The following SANBR variants were observed in gnomAD, a reference collection of about 807,000 sequenced individuals.
SANBR encodes SANT and BTB domain regulator of class switch recombination.
A neutral mutation model predicts 101.8 loss-of-function variants in SANBR; 77 were observed. The ratio of observed to expected loss-of-function variants is 0.76; its 90% CI spans 0.63 to 0.91. The LOEUF (loss-of-function observed/expected upper bound fraction) is 0.91. Ranked by LOEUF, SANBR falls within the 40% of genes least tolerant of loss-of-function variation. The pLI, the probability that SANBR is intolerant of heterozygous loss-of-function variation, is 0.00. For synonymous variants in SANBR, 279 were observed against 274.7 expected (o/e 1.02, Z -0.15); for missense variants, 875 against 853.0 (o/e 1.03, Z -0.32).
rs574798897 is a variant in SANBR, at chr2:61,090,162, A to G, written c.1088+1694A>G. Among the ~76,000 whole-genome samples the G allele has an allele frequency of 5.3e-5, 8 of 152,320 alleles. No homozygotes were observed. In the South Asian group the frequency reaches 1.7e-3, roughly 32 times the overall value. On this transcript the variant is annotated intron_variant, in intron 10 of 21. Coordinates refer to ENST00000402291, the MANE Select transcript of SANBR (RefSeq NM_001129993.3). The stretch of plus-strand genomic sequence containing the variant: ...AAAACAAAGTTATGAAAAAGTACAT[A>G]GATACATAAAAGTTGTTAGTGGTTA...
intron 12 of SANBR, 122 bp downstream of exon 12, chr2:61,097,974 TC>T: frequency 1.5e-6 from 1 of 645,244 alleles, no homozygotes; most frequent in Non-Finnish European, 2.4e-6. Context: ...TTTATAACAC[TC>T]CCCCATTTTC....
chr2:61,081,134 A>G (rs981502862), intron 6 of SANBR, among the ~76,000 whole-genome samples: 3 of 152,166 alleles, frequency 2.0e-5, no homozygotes, highest in Non-Finnish European at 2.9e-5. Flanking sequence ...TATTACTTGT[A>G]TATGCAATGA....
intron 5 of SANBR, among the ~76,000 whole-genome samples, chr2:61,075,983 C>CTTTA (rs529777250): frequency 0.015 from 2,315 of 151,164 alleles, 55 homozygotes; most frequent in African/African-American, 0.048. Flanking sequence ...TTTTTATAAA[C>CTTTA]TTTATTTATT....
chr2:61,091,706 A>C (rs923047191), intron 10 of SANBR, among the ~76,000 whole-genome samples: 5 of 152,126 alleles, frequency 3.3e-5, no homozygotes, highest in Admixed American at 3.3e-4. Context: ...AGTTGCAATA[A>C]GCTATGATGA....
chr2:61,111,442 A>T (rs147123738), intron 16 of SANBR, among the ~76,000 whole-genome samples: 2 of 152,316 alleles, frequency 1.3e-5, no homozygotes, highest in Non-Finnish European at 2.9e-5. Context: ...CTTCTCTCCA[A>T]GTTTTACGTA....
At chr2:61,080,820 C>T (rs1402579264) in intron 6 of SANBR, among the ~76,000 whole-genome samples, 2 of 151,928 alleles carry the variant, frequency 1.3e-5, no homozygotes, top group Non-Finnish European at 2.9e-5. Flanking sequence ...TCTGCTTAGT[C>T]GTTTATTTAG....
Position 61,067,120 on chromosome 2 carries a change from A to T in SANBR, c.-147+1093A>T, listed in dbSNP as rs910983828. Reference sequence around the variant, plus strand: ...TATCCATCAATGCTATGCCTTTTATACTTAAATTCAGACTCTGATTTCTTG... The same window carrying T: ...TATCCATCAATGCTATGCCTTTTATTCTTAAATTCAGACTCTGATTTCTTG... On this transcript the variant is annotated intron_variant, in intron 1 of 21. Coordinates refer to ENST00000402291, the MANE Select transcript of SANBR (RefSeq NM_001129993.3). Among the ~76,000 whole-genome samples the T allele has an allele frequency of 2.0e-5, 3 of 152,248 alleles. No homozygotes were observed. The East Asian group carries it at 5.8e-4, about 29-fold the overall frequency.
intron 11 of SANBR, among the ~76,000 whole-genome samples, chr2:61,095,999 G>A (rs555051830): frequency 1.3e-5 from 2 of 151,858 alleles, no homozygotes; most frequent in African/African-American, 4.8e-5. Flanking sequence ...TACCACCACC[G>A]CTCACACAGG....
downstream of SANBR, among the ~76,000 whole-genome samples, chr2:61,128,388 C>G (rs1684579251): frequency 6.6e-6 from 1 of 152,142 alleles, no homozygotes; most frequent in Non-Finnish European, 1.5e-5. Flanking sequence ...GGCACAGTGG[C>G]TCATGCCTAT....
At chr2:61,117,262 ACACT>A (rs1391965619) in intron 17 of SANBR, 91 bp from the exon 18 acceptor site, 1 of 1,161,472 alleles carries the variant, frequency 8.6e-7, no homozygotes, top group Non-Finnish European at 1.3e-6. Context: ...CAGTGTCTTC[ACACT>A]CAGTAAGAGT....
chr2:61,118,247 GT>G, intron 20 of SANBR, 131 bp downstream of exon 20: 2 of 670,858 alleles, frequency 3.0e-6, no homozygotes, highest in Non-Finnish European at 5.0e-6. Context: ...TTGTTTGTTT[GT>G]TTTTTTCTTT....
chr2:61,112,279 G>A (rs1000072732), intron 16 of SANBR, among the ~76,000 whole-genome samples: 2 of 151,974 alleles, frequency 1.3e-5, no homozygotes, highest in South Asian at 2.1e-4. Flanking sequence ...CATTCTAGTG[G>A]GTAGATAGTG....
chr2:61,118,889 CAGTT>C (rs1405676779), intron 20 of SANBR, among the ~76,000 whole-genome samples: 3 of 152,174 alleles, frequency 2.0e-5, no homozygotes, highest in South Asian at 2.1e-4. Context: ...TATTCTGTAT[CAGTT>C]AGCCTGTTTA....
intron 7 of SANBR, 144 bp downstream of exon 7, chr2:61,081,654 ATTTCTT>A (rs1386356297): frequency 4.1e-6 from 4 of 980,964 alleles, no homozygotes; most frequent in Middle Eastern, 7.2e-4. Context: ...CAGGAATATA[ATTTCTT>A]TTTCTTGAGA....
intron 7 of SANBR, among the ~76,000 whole-genome samples, 198 bp downstream of exon 7, chr2:61,081,708 G>T (rs1034405211): frequency 6.6e-6 from 1 of 152,118 alleles, no homozygotes; most frequent in Non-Finnish European, 1.5e-5. Flanking sequence ...GAGTGCAGTG[G>T]CATGATCTCA....
chr2:61,096,250 G>A (rs575431747), intron 11 of SANBR, among the ~76,000 whole-genome samples: 1 of 152,240 alleles, frequency 6.6e-6, no homozygotes, highest in East Asian at 1.9e-4. Context: ...CCCCTGCACA[G>A]GCCCAAAAGT....
intron 16 of SANBR, among the ~76,000 whole-genome samples, chr2:61,113,623 T>C (rs1318780319): frequency 6.6e-6 from 1 of 152,256 alleles, no homozygotes; most frequent in Non-Finnish European, 1.5e-5. Flanking sequence ...ATGGTAATAC[T>C]AATGATGGTC....
chr2:61,089,220 T>C (rs553602977), intron 10 of SANBR: 14 of 984,258 alleles, frequency 1.4e-5, no homozygotes, highest in Non-Finnish European at 1.7e-5. Context: ...AGTATTTCAT[T>C]AATATGTAGG....
At chr2:61,070,197 A>G in intron 2 of SANBR, 145 bp from the exon 3 acceptor site, 1 of 498,478 alleles carries the variant, frequency 2.0e-6, no homozygotes, top group Non-Finnish European at 3.4e-6. Flanking sequence ...GATTTAGGCT[A>G]TACTATGTTT....
Sources: allele counts gnomAD v4.1 joint callset (sites outside exome capture counted in the v4.1 genomes callset), GRCh38; gene constraint gnomAD v4.1.1; transcripts MANE v1.5; gene names NCBI Gene and HGNC (gene_info 2026-07-23, HGNC 2026-07-21).